OSBPL5: variants seen among roughly 807,000 people sequenced by gnomAD.
OSBPL5 encodes oxysterol binding protein like 5, also known as oxysterol-binding protein-related protein 5.
Under a neutral mutation model 111.2 loss-of-function variants are expected in OSBPL5, and 71 were observed. The ratio of observed to expected loss-of-function variants is 0.64; its 90% confidence interval spans 0.53 to 0.78. The LOEUF (loss-of-function observed/expected upper bound fraction) is 0.78. Ranked by LOEUF, OSBPL5 falls within the 30% of genes least tolerant of loss-of-function variation. The probability of loss-of-function intolerance (pLI) is 0.00; values close to 1 mark genes in which losing one functional copy is unlikely to be tolerated. For missense variants in OSBPL5, 1,210 were observed against 1,189.3 expected, an observed-to-expected ratio of 1.02 and a Z score of -0.26; for synonymous variants, 549 against 513.9, an observed-to-expected ratio of 1.07 and a Z score of -0.93.
At chr11:3,133,985 G>T (rs1017219434) in intron 1 of OSBPL5, among the ~76,000 whole-genome samples, 4 of 152,040 alleles carry the variant, frequency 2.6e-5, no homozygotes, top group Admixed American at 6.5e-5. Context: ...GGCTTGGTGG[G>T]GGGGGGGTCA....
rs143534195 is a variant in OSBPL5 at position 3,122,224 on chromosome 11, G to T, written c.300+124C>A. The stretch of plus-strand genomic sequence containing the variant: ...GAGAGGAAGTAGGAGGAAGTAGGGG[G>T]TGTGGAGGCGACCAGGTGCGGTTTG... On this transcript the variant is annotated intron_variant, in intron 4 of 21. Transcript: ENST00000263650. 1,146 of 1,306,974 alleles carry T rather than the reference G, an allele frequency of 8.8e-4. 9 individuals carry two copies. In the African/African-American group the frequency reaches 0.014, roughly 16 times the overall value. The allele number at this position is 1,306,974 out of a possible 1,614,324, so 81.0% of individuals were successfully genotyped here. A position where few individuals can be genotyped will look rare whatever the true frequency, so the allele number is the denominator to read the frequency against.
At chr11:3,131,034 C>A (rs545003868) in intron 1 of OSBPL5, among the ~76,000 whole-genome samples, 5 of 152,110 alleles carry the variant, frequency 3.3e-5, no homozygotes, top group Non-Finnish European at 5.9e-5. Context: ...GTGGTGACAG[C>A]GATTCCCAGG....
chr11:3,131,880 C>CTAT (rs1564850399), intron 1 of OSBPL5, among the ~76,000 whole-genome samples: 10 of 76,646 alleles, frequency 1.3e-4, no homozygotes, highest in Admixed American at 7.4e-4. Flanking sequence ...CATCCATCCA[C>CTAT]CCATCCACCC....
chr11:3,102,971 G>T (rs1590648345), intron 11 of OSBPL5, among the ~76,000 whole-genome samples: 1 of 152,192 alleles, frequency 6.6e-6, no homozygotes, highest in Non-Finnish European at 1.5e-5. Flanking sequence ...GTTTTCTTGG[G>T]GGGTGGGGAA....
At chr11:3,094,453 G>GA (rs1397842124) in intron 14 of OSBPL5, 119 bp from the exon 15 acceptor site, 1 of 742,274 alleles carries the variant, frequency 1.3e-6, no homozygotes, top group African/African-American at 1.7e-5. Context: ...ACCGATCCCT[G>GA]GGAGGCCTGT....
At chr11:3,103,557 T>A (rs1211423012) in intron 10 of OSBPL5, among the ~76,000 whole-genome samples, 1 of 152,176 alleles carries the variant, frequency 6.6e-6, no homozygotes. Flanking sequence ...ACTGCTGACC[T>A]GGGCTGCCAG....
chr11:3,161,461 TG>T lies in OSBPL5; in HGVS notation c.-22+3754del, dbSNP rs1308893079. ...GACATGGTGGGTGGGACTTGCTAGA[TG>T]GGGGCAGCCAGTCTCAATCTACTGA... On this transcript the variant is annotated intron_variant, in intron 1 of 21. Coordinates refer to ENST00000263650, the MANE Select transcript of OSBPL5 (RefSeq NM_020896.4). The surrounding 1 kb of genome is among the most constrained non-coding windows in gnomAD (Gnocchi z 8.0). 1.3e-5 allele frequency: 2 copies of T among 152,128 alleles called. No homozygotes were observed. The highest frequency in any genetic ancestry group is 4.8e-5 in the African/African-American group (2 of 41,422). 9.4% of individuals were successfully genotyped at this position (152,128 alleles called of 1,614,324 possible). A position where few individuals can be genotyped will look rare whatever the true frequency, so the allele number is the denominator to read the frequency against.
intron 11 of OSBPL5, 71 bp from the exon 12 acceptor site, chr11:3,102,352 T>C: frequency 6.8e-7 from 1 of 1,460,904 alleles, no homozygotes; most frequent in Non-Finnish European, 9.4e-7. Flanking sequence ...AGGTGAGGGA[T>C]GTGGACGGAG....
chr11:3,144,290 T>G (rs1846258908), intron 1 of OSBPL5, among the ~76,000 whole-genome samples: 2 of 152,054 alleles, frequency 1.3e-5, no homozygotes. Flanking sequence ...GGAAGTGGGG[T>G]GCCATGGTGC....
At position 3,088,064 on chromosome 11, in the gene OSBPL5, C is replaced by T; in HGVS notation, c.*141G>A. On this transcript the variant is annotated 3_prime_UTR_variant, in exon 22 of 22. Coordinates refer to ENST00000263650, the MANE Select transcript of OSBPL5 (RefSeq NM_020896.4). ...ACCTGGGCCCGCAGCGCCTTGTGGC[C>T]CCGGGTCCCTCCTGCGCCTGGACTC... 2.5e-6 allele frequency: 2 copies of T among 799,446 alleles called. No individual in the cohort carries two copies. Among genetic ancestry groups the T allele is most frequent in the Non-Finnish European group, 3.6e-6 (2 of 549,702 alleles). The allele number at this position is 799,446 out of a possible 1,614,324, so 49.5% of individuals were successfully genotyped here.
At position 3,105,996 on chromosome 11, in the gene OSBPL5, G is replaced by A. The variant is rs545270888; in HGVS notation, c.1059+1267C>T. ...TACGGGTGGCCCAGTGTCCACCCCC[G>A]CCCCTCGGCTGTCCCGAGGCCCTTG... is the stretch of plus-strand genomic sequence containing the variant. On this transcript the variant is annotated intron_variant, in intron 9 of 21. Coordinates refer to ENST00000263650, the MANE Select transcript of OSBPL5 (RefSeq NM_020896.4). This position sits in a 1 kb window ranked among gnomAD's most constrained non-coding sequence, Gnocchi z 5.2. Among the ~76,000 whole-genome samples the A allele has an allele frequency of 6.6e-6, 1 of 151,752 alleles. No homozygotes were observed. The highest frequency in any genetic ancestry group is 1.5e-5 in the Non-Finnish European group (1 of 67,934).
rs1392559765 is a variant in OSBPL5, at chr11:3,103,764, G to GCCCCCTTCCAGCCTGCGTA, written c.1244+428_1244+429insTACGCAGGCTGGAAGGGGG. On this transcript the variant is annotated intron_variant, in intron 10 of 21. Transcript: ENST00000263650. Reference sequence around the variant, plus strand: ...TCTGCAACCCTCTTCCAGCTCTGCAGCCCCCTTCCAGCCTCTGCAGTCCCT... The same window carrying GCCCCCTTCCAGCCTGCGTA: ...TCTGCAACCCTCTTCCAGCTCTGCAGCCCCCTTCCAGCCTGCGTACCCCCTTCCAGCCTCTGCAGTCCCT... Among the ~76,000 whole-genome samples the GCCCCCTTCCAGCCTGCGTA allele has an allele frequency of 5.8e-4, 17 of 29,494 alleles. No homozygotes were observed. The South Asian group carries it at 6.0e-3, about 10-fold the overall frequency. 19.3% of individuals were successfully genotyped at this position (29,494 alleles called of 152,430 possible). A position where few individuals can be genotyped will look rare whatever the true frequency, so the allele number is the denominator to read the frequency against.
intron 21 of OSBPL5, among the ~76,000 whole-genome samples, chr11:3,088,586 A>G (rs1457101339): frequency 6.6e-6 from 1 of 152,006 alleles, no homozygotes; most frequent in Non-Finnish European, 1.5e-5. Flanking sequence ...AGGGTCAGGG[A>G]TTGGGGAGTC....
chr11:3,158,269 C>T (rs959349630), intron 1 of OSBPL5, among the ~76,000 whole-genome samples: 4 of 152,228 alleles, frequency 2.6e-5, no homozygotes, highest in African/African-American at 9.6e-5. Context: ...AGGAGCTGGG[C>T]CCAAAGTGGA....
At chr11:3,102,970 G>C (rs1052314599) in intron 11 of OSBPL5, among the ~76,000 whole-genome samples, 2 of 152,150 alleles carry the variant, frequency 1.3e-5, no homozygotes, top group Admixed American at 6.5e-5. Flanking sequence ...TGTTTTCTTG[G>C]GGGGTGGGGA....
At chr11:3,108,085 CCCCA>C in intron 7 of OSBPL5, 140 bp from the exon 8 acceptor site, 6 of 1,129,224 alleles carry the variant, frequency 5.3e-6, no homozygotes, top group Non-Finnish European at 7.4e-6. Context: ...CCTGGCCCTG[CCCCA>C]GCAGGGACAT....
At position 3,120,546 on chromosome 11, in the gene OSBPL5, T is replaced by C. The variant is rs1858369354; in HGVS notation, c.481A>G (p.Lys161Glu). Residue 161 changes from lysine (K) to glutamate (E), a missense_variant, in exon 6 of 22, where the codon AAG becomes GAG. Lys to Glu is a moderately conservative substitution (Grantham distance 56, BLOSUM62 1). Transcript: ENST00000263650. ...PGVLLIYKTP[K>E]VGQWVGTVLL... ...ACCGTGCCCACCCACTGGCCCACCT[T>C]GGGCGTCTTGTAGATGAGCAGCACC... 6.2e-7 allele frequency: 1 copy of C among 1,613,230 alleles called. No homozygotes were observed. The highest frequency in any genetic ancestry group is 1.7e-5 in the Admixed American group (1 of 60,018).
Position 3,141,182 on chromosome 11 carries a change from C to A in OSBPL5, c.-21-12013G>T, listed in dbSNP as rs1027685490. 6.6e-6 allele frequency among the ~76,000 whole-genome samples: 1 copy of A among 152,210 alleles called. No individual in the cohort carries two copies. Among genetic ancestry groups the A allele is most frequent in the African/African-American group, 2.4e-5 (1 of 41,450 alleles). The stretch of plus-strand genomic sequence containing the variant: ...ATGCTGACAGCCACCCAGGCTTCCC[C>A]CCGCCCAGCAGACAGTATCGTCATC... On this transcript the variant is annotated intron_variant, in intron 1 of 21. Coordinates refer to ENST00000263650, the MANE Select transcript of OSBPL5 (RefSeq NM_020896.4). The surrounding 1 kb of genome is among the most constrained non-coding windows in gnomAD (Gnocchi z 6.5).
chr11:3,138,779 G>C (rs4301766), intron 1 of OSBPL5, among the ~76,000 whole-genome samples: 23,969 of 151,620 alleles, frequency 0.16, 3,886 homozygotes, highest in African/African-American at 0.42. Context: ...CTACCCAGGT[G>C]GGGGACCAAG....
Sources: gnomAD v4.1 joint callset for allele counts (sites outside exome capture counted in the v4.1 genomes callset) on GRCh38, gnomAD v4.1.1 for gene constraint, Gnocchi (gnomAD v3.1) non-coding constraint, MANE v1.5 for transcripts, NCBI Gene and HGNC (gene_info 2026-07-23, HGNC 2026-07-21) for gene names.